The following CDK13 variants were observed in gnomAD, a reference collection of about 807,000 sequenced individuals.
The protein encoded by CDK13 is cyclin dependent kinase 13.
In CDK13, 40 loss-of-function variants were observed where a neutral mutation model predicts 137.6. That is an observed-to-expected ratio of 0.29 (90% CI 0.23 to 0.38). CDK13 has a LOEUF of 0.38. CDK13 is among the 10% of genes least tolerant of loss of function. The pLI is 1.00. For missense variants in CDK13, 1,704 were observed against 1,951.8 expected (o/e 0.87, Z 2.39); for synonymous variants, 869 against 760.1 (o/e 1.14, Z -2.36).
intron 7 of CDK13, among the ~76,000 whole-genome samples, chr7:40,053,501 C>G (rs1245170349): frequency 1.3e-5 from 2 of 152,144 alleles, no homozygotes; most frequent in East Asian, 3.8e-4. Context: ...TTTGTAGTTC[C>G]CTAAACTTGC....
intron 5 of CDK13, among the ~76,000 whole-genome samples, chr7:40,004,128 T>A (rs949346623): frequency 1.6e-4 from 24 of 152,212 alleles, no homozygotes; most frequent in African/African-American, 5.3e-4. Context: ...CTATTTTTTT[T>A]AATAATCCTA....
intron 5 of CDK13, among the ~76,000 whole-genome samples, chr7:40,010,651 C>T (rs1033327743): frequency 6.6e-6 from 1 of 152,178 alleles, no homozygotes; most frequent in Admixed American, 6.5e-5. Context: ...GTCTGTACTC[C>T]AGCCTGGGTG....
Position 40,015,074 on chromosome 7 carries a change from C to A in CDK13, c.2353+13043C>A, listed in dbSNP as rs138414137. Among the ~76,000 whole-genome samples, 12 of 152,262 alleles carry A rather than the reference C, an allele frequency of 7.9e-5. No homozygotes were observed. In the East Asian group the frequency reaches 2.1e-3, roughly 27 times the overall value. On this transcript the variant is annotated intron_variant, in intron 5 of 13. Transcript: ENST00000181839. Reference sequence around the variant, plus strand: ...AGAGGAATGTGTTTTAGTTAAGATACACCAAATAATGTCTTAAAGGAAAAA... The same window carrying A: ...AGAGGAATGTGTTTTAGTTAAGATAAACCAAATAATGTCTTAAAGGAAAAA...
rs1299853265 is a variant in CDK13 at position 40,097,525 on chromosome 7, T to TTA, written c.*2548_*2549dup. 3 of 152,114 alleles carry TTA rather than the reference T, an allele frequency of 2.0e-5. No homozygotes were observed. The highest frequency in any genetic ancestry group is 7.2e-5 in the African/African-American group (3 of 41,452). The allele number at this position is 152,114 out of a possible 1,614,324, so 9.4% of individuals were successfully genotyped here. A position where few individuals can be genotyped will look rare whatever the true frequency, so the allele number is the denominator to read the frequency against. On this transcript the variant is annotated 3_prime_UTR_variant, in exon 14 of 14. Coordinates refer to ENST00000181839, the MANE Select transcript of CDK13 (RefSeq NM_003718.5). ...GTTGGGAAATCACTAGTTCTGTAGG[T>TTA]TATAACAGCAGTCATCGCTGAAAAT...
At chr7:39,976,308 C>CTT in intron 1 of CDK13, among the ~76,000 whole-genome samples, 2 of 89,296 alleles carry the variant, frequency 2.2e-5, no homozygotes, top group South Asian at 1.0e-3. Context: ...CTCTCTCTCT[C>CTT]TCTCTCTCTC....
chr7:39,978,901 G>T (rs552267081), intron 1 of CDK13, among the ~76,000 whole-genome samples: 1 of 152,282 alleles, frequency 6.6e-6, no homozygotes, highest in South Asian at 2.1e-4. Context: ...TGGAGTGTAC[G>T]GTGGATGAAG....
chr7:40,057,179 C>G (rs1786038711), intron 7 of CDK13, among the ~76,000 whole-genome samples: 1 of 152,090 alleles, frequency 6.6e-6, no homozygotes, highest in African/African-American at 2.4e-5. Context: ...CGCTTGAACC[C>G]AGGAGGTGGA....
chr7:39,964,427 C>T (rs1035015167), intron 1 of CDK13, among the ~76,000 whole-genome samples: 5 of 152,080 alleles, frequency 3.3e-5, no homozygotes, highest in African/African-American at 7.2e-5. Context: ...TTATAGTATT[C>T]CCTGATGGTA....
chr7:39,955,015 C>G (rs1787365902), intron 1 of CDK13, among the ~76,000 whole-genome samples: 1 of 152,166 alleles, frequency 6.6e-6, no homozygotes, highest in Admixed American at 6.5e-5. Flanking sequence ...AATCTTCAGT[C>G]CTCGGCTCAT....
chr7:39,990,806 G>T (rs2116281232), intron 2 of CDK13, among the ~76,000 whole-genome samples: 1 of 152,244 alleles, frequency 6.6e-6, no homozygotes, highest in Non-Finnish European at 1.5e-5. Flanking sequence ...TTAGTTGATG[G>T]ACTGAATTTT....
chr7:40,040,374 T>A (rs1455003065), intron 5 of CDK13, among the ~76,000 whole-genome samples: 1 of 152,228 alleles, frequency 6.6e-6, no homozygotes, highest in Admixed American at 6.5e-5. Flanking sequence ...TTTCTGAATT[T>A]TCTGTTTTAT....
intron 9 of CDK13, chr7:40,071,403 A>G (rs1786419466): frequency 6.6e-6 from 1 of 152,192 alleles, no homozygotes; most frequent in Non-Finnish European, 1.5e-5. Flanking sequence ...TGACACTTGG[A>G]TCCTCATATC....
chr7:40,005,718 T>G (rs1004728324), intron 5 of CDK13, among the ~76,000 whole-genome samples: 1 of 152,186 alleles, frequency 6.6e-6, no homozygotes, highest in Non-Finnish European at 1.5e-5. Flanking sequence ...AAGAAGATTT[T>G]TCTTGTTTTT....
chr7:40,070,102 TG>T (rs1230111236), intron 9 of CDK13: 2 of 135,316 alleles, frequency 1.5e-5, no homozygotes, highest in African/African-American at 5.7e-5. Context: ...AAGCCGGGCA[TG>T]GCGGCGGGCA....
At chr7:39,970,516 A>G (rs1201525074) in intron 1 of CDK13, among the ~76,000 whole-genome samples, 1 of 149,840 alleles carries the variant, frequency 6.7e-6, no homozygotes, top group Non-Finnish European at 1.5e-5. Context: ...ACTGGAGTGC[A>G]ATGGCATGAT....
At chr7:40,011,581 CA>C (rs1784895422) in intron 5 of CDK13, among the ~76,000 whole-genome samples, 7 of 152,182 alleles carry the variant, frequency 4.6e-5, no homozygotes, top group Admixed American at 3.9e-4. Context: ...ACTGGATATC[CA>C]CACACAGAAG....
intron 5 of CDK13, among the ~76,000 whole-genome samples, chr7:40,030,290 G>A (rs934704970): frequency 6.7e-6 from 1 of 150,074 alleles, no homozygotes; most frequent in Admixed American, 6.6e-5. Flanking sequence ...GAGAGAGAGA[G>A]AGAAAGTCAT....
chr7:40,042,376 C>T (rs1287993696), intron 5 of CDK13, among the ~76,000 whole-genome samples: 1 of 151,278 alleles, frequency 6.6e-6, no homozygotes. Flanking sequence ...CCACCACACC[C>T]AGCCGTTTTT....
intron 7 of CDK13, among the ~76,000 whole-genome samples, chr7:40,058,594 A>G (rs766752186): frequency 5.9e-5 from 9 of 151,986 alleles, no homozygotes; most frequent in Non-Finnish European, 1.3e-4. Context: ...GGGTGCAATT[A>G]GAGATGGAAG....
Sources: gnomAD v4.1 joint callset for allele counts (sites outside exome capture counted in the v4.1 genomes callset) on GRCh38, gnomAD v4.1.1 for gene constraint, MANE v1.5 for transcripts, NCBI Gene and HGNC (gene_info 2026-07-23, HGNC 2026-07-21) for gene names.